GPR137B: variants seen among roughly 807,000 people sequenced by gnomAD.
The protein encoded by GPR137B is integral membrane protein GPR137B.
A neutral mutation model predicts 42.5 loss-of-function variants in GPR137B; 42 were observed. The observed-to-expected ratio is 0.99, with a 90% CI of 0.77 to 1.28. The LOEUF (loss-of-function observed/expected upper bound fraction) is 1.28. Ranked by LOEUF, GPR137B falls within the 50% of genes most tolerant of loss-of-function variation. The probability of loss-of-function intolerance (pLI) is 0.00; values close to 1 mark genes in which losing one functional copy is unlikely to be tolerated. For synonymous variants in GPR137B, 218 were observed against 209.7 expected (o/e 1.04, Z -0.34); for missense variants, 487 against 493.9 (o/e 0.99, Z 0.13).
chr1:236,147,629 C>A (rs1321893731), intron 1 of GPR137B, among the ~76,000 whole-genome samples: 1 of 152,170 alleles, frequency 6.6e-6, no homozygotes, highest in Non-Finnish European at 1.5e-5. Context: ...CAGGTGGAAG[C>A]AAGCATCACC....
At chr1:236,203,545 T>C (rs1663563265) in intron 5 of GPR137B, among the ~76,000 whole-genome samples, 1 of 152,214 alleles carries the variant, frequency 6.6e-6, no homozygotes, top group Admixed American at 6.5e-5. Flanking sequence ...GTTTTTTCTA[T>C]TTCTGTGAAG....
chr1:236,190,361 T>C (rs12405106), intron 5 of GPR137B, among the ~76,000 whole-genome samples: 50,365 of 151,926 alleles, frequency 0.33, 8,927 homozygotes, highest in East Asian at 0.61. Context: ...TGTGTGAATT[T>C]GATCCTGACA....
In GPR137B at chr1:236,150,127, G is replaced by T. The variant is rs902220439; in HGVS notation, c.414+7091G>T. On this transcript the variant is annotated intron_variant, in intron 1 of 6. Transcript: ENST00000366592. This position sits in a 1 kb window ranked among gnomAD's most constrained non-coding sequence, Gnocchi z 6.2. ...TGCCTGTGTATGTCTGTGCCTGCGT[G>T]TGCCTGTGTGTGTGCCTCTGTTTGT... Among the ~76,000 whole-genome samples the T allele has an allele frequency of 1.3e-5, 2 of 150,870 alleles. No homozygotes were observed. Among genetic ancestry groups the T allele is most frequent in the Non-Finnish European group, 3.0e-5 (2 of 67,718 alleles).
intron 2 of GPR137B, among the ~76,000 whole-genome samples, chr1:236,173,270 G>A: frequency 6.9e-6 from 1 of 145,704 alleles, no homozygotes; most frequent in African/African-American, 2.5e-5. Flanking sequence ...CAGCCTGGGT[G>A]ACAGAGCAAG....
In GPR137B at chr1:236,208,547, TA is replaced by T; in HGVS notation, c.*391del. 1.1e-6 allele frequency: 1 copy of T among 946,054 alleles called. No individual in the cohort carries two copies. Among genetic ancestry groups the T allele is most frequent in the African/African-American group, 1.8e-5 (1 of 56,380 alleles). The allele number at this position is 946,054 out of a possible 1,614,324, so 58.6% of individuals were successfully genotyped here. ...CTTTAAAAATATAGAATATATGGTCTAATAGTTTTTTAAAGCTTTTGGACTA... is the reference window on the plus strand; with the variant it reads ...CTTTAAAAATATAGAATATATGGTCTATAGTTTTTTAAAGCTTTTGGACTA... On this transcript the variant is annotated 3_prime_UTR_variant, in exon 7 of 7. Coordinates refer to ENST00000366592, the MANE Select transcript of GPR137B (RefSeq NM_003272.4).
Position 236,183,804 on chromosome 1 carries a change from T to C in GPR137B, c.864T>C (p.Asp288=), listed in dbSNP as rs1411856617. 1.9e-6 allele frequency: 3 copies of C among 1,607,156 alleles called. No individual in the cohort carries two copies. The highest frequency in any genetic ancestry group is 3.3e-5 in the Admixed American group (2 of 59,928). ...CAGATTTGAAGAATCAGCTGGGAGA[T>C]GCTGGATACGTATTATTTGGAGTGG... is the stretch of plus-strand genomic sequence containing the variant. ...DQADLKNQLG[D]AGYVLFGVVL... Residue 288 remains aspartate (D), a synonymous_variant, in exon 5 of 7, where the codon GAT becomes GAC. Transcript: ENST00000366592.
rs3082534 is a variant in GPR137B at position 236,178,785 on chromosome 1, GTTTTTTTTTTTTTT to G, written c.687+166_687+179del. 408 of 49,532 alleles carry G rather than the reference GTTTTTTTTTTTTTT, an allele frequency of 8.2e-3. 7 individuals carry two copies. In the East Asian group the frequency reaches 0.13, roughly 15 times the overall value. 3.1% of individuals were successfully genotyped at this position (49,532 alleles called of 1,614,324 possible). A position where few individuals can be genotyped will look rare whatever the true frequency, so the allele number is the denominator to read the frequency against. ...GTCTCCCACACAGGGGCTACTCGAG[GTTTTTTTTTTTTTT>G]TTTTTTTTTTTTTTTTGAGACGGAG... On this transcript the variant is annotated intron_variant, in intron 3 of 6. Coordinates refer to ENST00000366592, the MANE Select transcript of GPR137B (RefSeq NM_003272.4).
intron 1 of GPR137B, among the ~76,000 whole-genome samples, chr1:236,145,268 T>C (rs1208906665): frequency 6.6e-6 from 1 of 152,150 alleles, no homozygotes; most frequent in East Asian, 1.9e-4. Context: ...GCTCACCCCC[T>C]CTTTCTCTTA....
chr1:236,165,580 G>T (rs1477380148), intron 1 of GPR137B, among the ~76,000 whole-genome samples: 1 of 152,098 alleles, frequency 6.6e-6, no homozygotes. Context: ...CTTTGTTGTT[G>T]TTATCGTTAC....
chr1:236,155,513 G>A lies in GPR137B; in HGVS notation c.414+12477G>A, dbSNP rs1031019096. Among the ~76,000 whole-genome samples, 1 of 152,178 alleles carries A rather than the reference G, an allele frequency of 6.6e-6. No homozygotes were observed. Among genetic ancestry groups the A allele is most frequent in the East Asian group, 1.9e-4 (1 of 5,194 alleles). On this transcript the variant is annotated intron_variant, in intron 1 of 6. Transcript: ENST00000366592. This position sits in a 1 kb window ranked among gnomAD's most constrained non-coding sequence, Gnocchi z 4.6. ...TGGCTTTAGGTTGACTTGGAGAGCC[G>A]CAAAGGGTGTGGGTGGGAGGTGTGC...
At chr1:236,176,762 C>A (rs934345063) in intron 2 of GPR137B, among the ~76,000 whole-genome samples, 8 of 151,722 alleles carry the variant, frequency 5.3e-5, no homozygotes, top group Non-Finnish European at 1.2e-4. Context: ...CCCTCCCTCC[C>A]TCTTAAACCT....
intron 1 of GPR137B, among the ~76,000 whole-genome samples, chr1:236,144,914 G>A (rs775837384): frequency 3.9e-5 from 6 of 152,252 alleles, no homozygotes; most frequent in African/African-American, 1.4e-4. Flanking sequence ...CGGATTAGGG[G>A]CCGGGCTGCA....
intron 1 of GPR137B, among the ~76,000 whole-genome samples, chr1:236,163,095 A>C (rs1355036385): frequency 6.6e-6 from 1 of 152,186 alleles, no homozygotes; most frequent in African/African-American, 2.4e-5. Flanking sequence ...GACCATGGGA[A>C]CCCACCTCTT....
intron 4 of GPR137B, among the ~76,000 whole-genome samples, chr1:236,181,983 C>G (rs1662897231): frequency 6.6e-6 from 1 of 150,590 alleles, no homozygotes; most frequent in Non-Finnish European, 1.5e-5. Context: ...ACCTCCGCCT[C>G]CCGGGTTCAA....
At position 236,150,541 on chromosome 1, in the gene GPR137B, C is replaced by T. The variant is rs983138846; in HGVS notation, c.414+7505C>T. On this transcript the variant is annotated intron_variant, in intron 1 of 6. Transcript: ENST00000366592. The surrounding 1 kb of genome is among the most constrained non-coding windows in gnomAD (Gnocchi z 6.2). ...CTGCCAACCGAGGGGGAACTAAATC[C>T]TGTTAATGCCCTCAGCACTCGGGGA... Among the ~76,000 whole-genome samples the T allele has an allele frequency of 3.3e-5, 5 of 152,150 alleles. No homozygotes were observed. The highest frequency in any genetic ancestry group is 3.3e-4 in the Admixed American group (5 of 15,272).
At chr1:236,169,154 G>T (rs748684570) in intron 2 of GPR137B, among the ~76,000 whole-genome samples, 1 of 150,116 alleles carries the variant, frequency 6.7e-6, no homozygotes, top group African/African-American at 2.5e-5. Context: ...TCCCCATCCC[G>T]CACCTCCCAT....
chr1:236,162,637 C>G (rs897178134), intron 1 of GPR137B, among the ~76,000 whole-genome samples: 4 of 152,200 alleles, frequency 2.6e-5, no homozygotes, highest in African/African-American at 9.6e-5. Context: ...CCAGCCATGG[C>G]TGAAAGGGGC....
At chr1:236,167,520 G>A (rs557591427) in intron 1 of GPR137B, among the ~76,000 whole-genome samples, 2 of 152,324 alleles carry the variant, frequency 1.3e-5, no homozygotes, top group African/African-American at 4.8e-5. Context: ...GGGGATGAGG[G>A]GTGCGGCAGG....
At chr1:236,180,716 A>G (rs1304297152) in intron 4 of GPR137B, among the ~76,000 whole-genome samples, 9 of 149,718 alleles carry the variant, frequency 6.0e-5, no homozygotes, top group African/African-American at 1.7e-4. Flanking sequence ...TCCCAGGTTC[A>G]AGCAATTCTC....
Sources: allele counts gnomAD v4.1 joint callset (sites outside exome capture counted in the v4.1 genomes callset), GRCh38; gene constraint gnomAD v4.1.1; non-coding constraint Gnocchi (gnomAD v3.1); transcripts MANE v1.5; gene names NCBI Gene and HGNC (gene_info 2026-07-23, HGNC 2026-07-21).